Variants in ACOX3 observed in about 807,000 individuals in gnomAD.
ACOX3 encodes peroxisomal acyl-coenzyme A oxidase 3.
In ACOX3, 73 loss-of-function variants were observed where a neutral mutation model predicts 81.5. That is an observed-to-expected ratio of 0.90 (90% CI 0.74 to 1.09). The LOEUF (loss-of-function observed/expected upper bound fraction) is 1.09. Among genes scored for constraint, ACOX3 ranks in the 50% least tolerant of loss-of-function variants. The pLI is 0.00. For synonymous variants in ACOX3, 387 were observed against 375.1 expected, an observed-to-expected ratio of 1.03 and a Z score of -0.37; for missense variants, 947 against 928.0, an observed-to-expected ratio of 1.02 and a Z score of -0.27.
In ACOX3 at chr4:8,414,795, T is replaced by A. The variant is rs977574973; in HGVS notation, c.453+59A>T. The A allele has an allele frequency of 2.4e-5, 37 of 1,547,710 alleles. No homozygotes were observed. Among genetic ancestry groups the A allele is most frequent in the Non-Finnish European group, 3.3e-5 (37 of 1,119,892 alleles). On this transcript the variant is annotated intron_variant, in intron 4 of 17. Transcript: ENST00000356406. The surrounding 1 kb of genome is among the most constrained non-coding windows in gnomAD (Gnocchi z 6.1). The stretch of plus-strand genomic sequence containing the variant: ...TTCTACAATCTTCTCTTTTCACAAA[T>A]CTCTACAGAGATCAAGCAAGAGAAC...
Position 8,405,782 on chromosome 4 carries a change from T to C in ACOX3, c.776+173A>G, listed in dbSNP as rs1720865911. On this transcript the variant is annotated intron_variant, in intron 7 of 17. Coordinates refer to ENST00000356406, the MANE Select transcript of ACOX3 (RefSeq NM_003501.3). This position sits in a 1 kb window ranked among gnomAD's most constrained non-coding sequence, Gnocchi z 7.1. ...TCAAGTTGGCCTCCCAAAGTGGAGTTCAAGCAGGACGTGGCCAGTGCATGC... is the reference window on the plus strand; with the variant it reads ...TCAAGTTGGCCTCCCAAAGTGGAGTCCAAGCAGGACGTGGCCAGTGCATGC... Among the ~76,000 whole-genome samples the C allele has an allele frequency of 6.6e-6, 1 of 152,114 alleles. No individual in the cohort carries two copies. The highest frequency in any genetic ancestry group is 6.6e-5 in the Admixed American group (1 of 15,266).
intron 13 of ACOX3, among the ~76,000 whole-genome samples, chr4:8,383,587 G>A (rs1026317394): frequency 1.3e-5 from 2 of 152,210 alleles, no homozygotes; most frequent in African/African-American, 2.4e-5. Flanking sequence ...AGAGGGAGGC[G>A]GGTAGCCCTG....
chr4:8,436,400 G>A (rs1724236775), intron 1 of ACOX3: 1 of 152,266 alleles, frequency 6.6e-6, no homozygotes, highest in South Asian at 2.1e-4. Flanking sequence ...CTCAGTGAAG[G>A]TAAGACTAAA....
chr4:8,371,507 T>C (rs1029446246), intron 16 of ACOX3, among the ~76,000 whole-genome samples: 7 of 152,206 alleles, frequency 4.6e-5, no homozygotes, highest in Non-Finnish European at 7.3e-5. Context: ...TTTATATGAG[T>C]GGACTCTCAA....
At chr4:8,428,855 G>T (rs1296077106) in intron 1 of ACOX3, among the ~76,000 whole-genome samples, 1 of 152,150 alleles carries the variant, frequency 6.6e-6, no homozygotes, top group Non-Finnish European at 1.5e-5. Flanking sequence ...CAGGAGGATC[G>T]CTTGAGGCCA....
At position 8,416,855 on chromosome 4, in the gene ACOX3, A is replaced by C. The variant is rs1722400942; in HGVS notation, c.-14-320T>G. Among the ~76,000 whole-genome samples, 1 of 152,184 alleles carries C rather than the reference A, an allele frequency of 6.6e-6. No individual in the cohort carries two copies. Among genetic ancestry groups the C allele is most frequent in the African/African-American group, 2.4e-5 (1 of 41,440 alleles). On this transcript the variant is annotated intron_variant, in intron 1 of 17. Transcript: ENST00000356406. This position sits in a 1 kb window ranked among gnomAD's most constrained non-coding sequence, Gnocchi z 4.2. The stretch of plus-strand genomic sequence containing the variant: ...CTGTCACACAGCCTTGCCTGAGAGT[A>C]CCCTGCCCTCTTGGGAGCACCCCGG...
intron 14 of ACOX3, among the ~76,000 whole-genome samples, chr4:8,375,463 C>T (rs915507282): frequency 4.6e-5 from 7 of 152,196 alleles, no homozygotes; most frequent in East Asian, 1.9e-4. Context: ...AGCCTGGAGC[C>T]GGCCTCGGGA....
At position 8,419,724 on chromosome 4, in the gene ACOX3, A is replaced by T; in HGVS notation, c.-14-3189T>A. ...GTGAGCTCATTTGGCAGTCAACGGC[A>T]ATTCCCCACCTCTCATGTTCTGGAG... On this transcript the variant is annotated intron_variant, in intron 1 of 17. Coordinates refer to ENST00000356406, the MANE Select transcript of ACOX3 (RefSeq NM_003501.3). This position sits in a 1 kb window ranked among gnomAD's most constrained non-coding sequence, Gnocchi z 4.2. 6.6e-6 allele frequency among the ~76,000 whole-genome samples: 1 copy of T among 152,122 alleles called. No homozygotes were observed. The highest frequency in any genetic ancestry group is 1.9e-4 in the East Asian group (1 of 5,172).
chr4:8,401,122 G>C (rs76834990), intron 7 of ACOX3, among the ~76,000 whole-genome samples: 1 of 151,858 alleles, frequency 6.6e-6, no homozygotes, highest in African/African-American at 2.4e-5. Flanking sequence ...ATCTAATGCC[G>C]CCACCGATCT....
Position 8,381,515 on chromosome 4 carries a change from A to G in ACOX3, c.1630T>C (p.Phe544Leu). 1.2e-6 allele frequency: 2 copies of G among 1,613,906 alleles called. No homozygotes were observed. The highest frequency in any genetic ancestry group is 1.1e-5 in the South Asian group (1 of 91,030). ...NQEKRSGSSD[F>L]EARNKCQVSH... is the part of the protein sequence containing the mutation. ...ACCTGGCATTTGTTCCTTGCTTCAA[A>G]GTCACTGCTTCCTGATCTTTTCTCT... The change falls in exon 14 of 18, where the codon TTT (phenylalanine) becomes CTT (leucine). Residue 544 changes from phenylalanine (F) to leucine (L), a missense_variant. Transcript: ENST00000356406. The surrounding 1 kb of genome is among the most constrained non-coding windows in gnomAD (Gnocchi z 4.3).
At chr4:8,374,864 C>T (rs1469260956) in intron 15 of ACOX3, 114 bp downstream of exon 15, 6 of 1,186,006 alleles carry the variant, frequency 5.1e-6, no homozygotes, top group East Asian at 2.6e-5. Flanking sequence ...CGCCATCCGC[C>T]GTGCTCAGTG....
intron 14 of ACOX3, among the ~76,000 whole-genome samples, chr4:8,379,734 T>C (rs543909980): frequency 1.3e-5 from 2 of 152,274 alleles, no homozygotes; most frequent in Non-Finnish European, 2.9e-5. Flanking sequence ...GCCCCCCATC[T>C]CTGGGGTTCT....
In ACOX3 at chr4:8,413,843, C is replaced by T. The variant is rs185376327; in HGVS notation, c.543+449G>A. On this transcript the variant is annotated intron_variant, in intron 5 of 17. Transcript: ENST00000356406. ...GGCAAGGACCCGAGGAGTCAGACTG[C>T]GGTGGCGGAAATGGACAAGGCAGGC... is the stretch of plus-strand genomic sequence containing the variant. Among the ~76,000 whole-genome samples the T allele has an allele frequency of 2.4e-4, 37 of 152,374 alleles. No homozygotes were observed. The East Asian group carries it at 4.2e-3, about 17-fold the overall frequency.
At chr4:8,420,106 G>T (rs755775625) in intron 1 of ACOX3, among the ~76,000 whole-genome samples, 6 of 152,180 alleles carry the variant, frequency 3.9e-5, no homozygotes, top group Non-Finnish European at 8.8e-5. Flanking sequence ...TCCAGGTGAG[G>T]AAACTGGAGC....
intron 1 of ACOX3, among the ~76,000 whole-genome samples, chr4:8,433,760 G>A (rs186982023): frequency 6.6e-6 from 1 of 152,192 alleles, no homozygotes; most frequent in Non-Finnish European, 1.5e-5. Context: ...CCAATGGAGG[G>A]ATTAATGTAC....
Position 8,385,271 on chromosome 4 carries a change from G to T in ACOX3, c.1538-3664C>A, listed in dbSNP as rs1718169227. ...TGCCCACCTCACATGACCTCACCATGCACTCCACGTGACCTCACCGCTCCC... is the reference window on the plus strand; with the variant it reads ...TGCCCACCTCACATGACCTCACCATTCACTCCACGTGACCTCACCGCTCCC... On this transcript the variant is annotated intron_variant, in intron 13 of 17. Transcript: ENST00000356406. The surrounding 1 kb of genome is among the most constrained non-coding windows in gnomAD (Gnocchi z 5.5). 2.0e-5 allele frequency among the ~76,000 whole-genome samples: 3 copies of T among 151,520 alleles called. No homozygotes were observed. In the South Asian group the frequency reaches 6.3e-4, roughly 32 times the overall value.
At chr4:8,427,695 C>T (rs1723634537) in intron 1 of ACOX3, among the ~76,000 whole-genome samples, 1 of 152,220 alleles carries the variant, frequency 6.6e-6, no homozygotes, top group Admixed American at 6.5e-5. Flanking sequence ...CCAAGAACCC[C>T]AGGTCAGAGA....
chr4:8,370,838 A>G lies in ACOX3; in HGVS notation c.1983+70T>C. On this transcript the variant is annotated intron_variant, in intron 17 of 17. Transcript: ENST00000356406. The surrounding 1 kb of genome is among the most constrained non-coding windows in gnomAD (Gnocchi z 6.3). Reference sequence around the variant, plus strand: ...AGACACCAGACCCCTGACCCACAGGAGCATCTCAGCTCCGCAGAAATGCCC... The same window carrying G: ...AGACACCAGACCCCTGACCCACAGGGGCATCTCAGCTCCGCAGAAATGCCC... 1 of 1,417,740 alleles carries G rather than the reference A, an allele frequency of 7.1e-7. No homozygotes were observed. The highest frequency in any genetic ancestry group is 9.9e-7 in the Non-Finnish European group (1 of 1,009,208). The allele number at this position is 1,417,740 out of a possible 1,614,324, so 87.8% of individuals were successfully genotyped here. A position where few individuals can be genotyped will look rare whatever the true frequency, so the allele number is the denominator to read the frequency against.
At chr4:8,373,677 A>C (rs1578856733) in intron 15 of ACOX3, 49 bp from the exon 16 acceptor site, 1 of 1,547,344 alleles carries the variant, frequency 6.5e-7, no homozygotes, top group East Asian at 2.4e-5. Context: ...GTCCAAAACC[A>C]CCCCCAATAC....
Sources: allele counts gnomAD v4.1 joint callset (sites outside exome capture counted in the v4.1 genomes callset), GRCh38; gene constraint gnomAD v4.1.1; non-coding constraint Gnocchi (gnomAD v3.1); transcripts MANE v1.5; gene names NCBI Gene and HGNC (gene_info 2026-07-23, HGNC 2026-07-21).